PPFIA1: variants seen among roughly 807,000 people sequenced by gnomAD.
The protein encoded by PPFIA1 is PPFI scaffold protein A1, also known as liprin-alpha-1.
A neutral mutation model predicts 149.9 loss-of-function variants in PPFIA1; 25 were observed. That is an observed-to-expected ratio of 0.17 (90% CI 0.12 to 0.23). The LOEUF is 0.23. PPFIA1 is among the 10% of genes least tolerant of loss of function. The probability of loss-of-function intolerance (pLI) is 1.00; values close to 1 mark genes in which losing one functional copy is unlikely to be tolerated. For synonymous variants in PPFIA1, 549 were observed against 552.8 expected (o/e 0.99, Z 0.10); for missense variants, 1,362 against 1,506.5 (o/e 0.90, Z 1.59).
intron 2 of PPFIA1, among the ~76,000 whole-genome samples, chr11:70,291,771 G>A (rs2051539200): frequency 6.6e-6 from 1 of 152,012 alleles, no homozygotes; most frequent in South Asian, 2.1e-4. Flanking sequence ...TCTGGGCTCA[G>A]GTGATCCTCC....
At chr11:70,300,423 A>C (rs568874187) in intron 2 of PPFIA1, among the ~76,000 whole-genome samples, 2 of 152,024 alleles carry the variant, frequency 1.3e-5, no homozygotes, top group African/African-American at 2.4e-5. Flanking sequence ...AGGCTGGAGT[A>C]CAGTGGCCCG....
chr11:70,307,243 T>G (rs1387130531), intron 2 of PPFIA1, among the ~76,000 whole-genome samples: 1 of 152,218 alleles, frequency 6.6e-6, no homozygotes, highest in Non-Finnish European at 1.5e-5. Flanking sequence ...GATGCACAGG[T>G]ATAGAATGAT....
chr11:70,367,135 A>G (rs1336714183), intron 21 of PPFIA1, among the ~76,000 whole-genome samples: 1 of 152,230 alleles, frequency 6.6e-6, no homozygotes, highest in Non-Finnish European at 1.5e-5. Flanking sequence ...TAAATTAAAT[A>G]AGCTTAACCT....
intron 2 of PPFIA1, among the ~76,000 whole-genome samples, chr11:70,297,771 G>C (rs1456256529): frequency 5.9e-5 from 9 of 152,186 alleles, no homozygotes; most frequent in African/African-American, 1.4e-4. Context: ...TAATGTCTGT[G>C]CTCCGAGGTT....
intron 2 of PPFIA1, among the ~76,000 whole-genome samples, chr11:70,300,536 T>C (rs987574148): frequency 3.2e-5 from 3 of 94,082 alleles, no homozygotes; most frequent in African/African-American, 1.0e-4. Flanking sequence ...GCCCACCTAA[T>C]TTTTTTTTTT....
At chr11:70,308,541 T>C (rs147240356) in intron 2 of PPFIA1, among the ~76,000 whole-genome samples, 1 of 152,338 alleles carries the variant, frequency 6.6e-6, no homozygotes, top group East Asian at 1.9e-4. Flanking sequence ...CTTTGAAAAA[T>C]ACTATAAATA....
chr11:70,288,021 G>A lies in PPFIA1; in HGVS notation c.264+15585G>A, dbSNP rs551241834. Among the ~76,000 whole-genome samples the A allele has an allele frequency of 1.7e-4, 25 of 151,296 alleles. No homozygotes were observed. The South Asian group carries it at 5.2e-3, about 32-fold the overall frequency. ...TGTGTATAGGTCCCACTGCGCTGGG[G>A]CTCAACATCTCTCACTTGCTCTCCA... On this transcript the variant is annotated intron_variant, in intron 2 of 27. Coordinates refer to ENST00000253925, the MANE Select transcript of PPFIA1 (RefSeq NM_003626.5).
intron 2 of PPFIA1, among the ~76,000 whole-genome samples, chr11:70,319,109 T>G (rs1209981511): frequency 6.6e-6 from 1 of 152,246 alleles, no homozygotes; most frequent in Non-Finnish European, 1.5e-5. Context: ...AAACATACTC[T>G]TCCCGTAGTC....
intron 2 of PPFIA1, among the ~76,000 whole-genome samples, chr11:70,319,610 A>G (rs571803105): frequency 3.3e-5 from 5 of 152,286 alleles, no homozygotes; most frequent in South Asian, 2.1e-4. Context: ...CCCTTATGCT[A>G]ATGACTGACT....
chr11:70,326,905 C>T, intron 7 of PPFIA1, 87 bp downstream of exon 7: 2 of 1,072,210 alleles, frequency 1.9e-6, no homozygotes, highest in Non-Finnish European at 2.8e-6. Flanking sequence ...CTGTTTGTCT[C>T]TTACTCTCCC....
In PPFIA1 at chr11:70,339,175, C is replaced by G; in HGVS notation, c.1576C>G (p.Pro526Ala). 1 of 1,613,594 alleles carries G rather than the reference C, an allele frequency of 6.2e-7. No individual in the cohort carries two copies. Among genetic ancestry groups the G allele is most frequent in the Middle Eastern group, 1.7e-4 (1 of 6,060 alleles). Reference protein sequence around the residue: ...LRGASLHHGRPHLGSVPDFRF... With the variant: ...LRGASLHHGRAHLGSVPDFRF... ...TTCTTATTTTTCATGTTTCAGCCGA[C>G]CCCACTTGGGCAGTGTCCCAGATTT... is the stretch of plus-strand genomic sequence containing the variant. The change falls in exon 14 of 28, where the codon CCC becomes GCC. Residue 526 changes from proline (P) to alanine (A), a missense_variant. This residue lies in a region of PPFIA1 where 733 missense variants were observed against 744.1 expected (regional missense o/e 0.99). Coordinates refer to ENST00000253925, the MANE Select transcript of PPFIA1 (RefSeq NM_003626.5).
chr11:70,360,886 C>A (rs1217030253), intron 19 of PPFIA1, among the ~76,000 whole-genome samples: 1 of 152,136 alleles, frequency 6.6e-6, no homozygotes, highest in Admixed American at 6.5e-5. Context: ...ACTTGCAAAC[C>A]AAATGTATGT....
At position 70,286,341 on chromosome 11, in the gene PPFIA1, TC is replaced by T. The variant is rs375258845; in HGVS notation, c.264+13908del. On this transcript the variant is annotated intron_variant, in intron 2 of 27. Coordinates refer to ENST00000253925, the MANE Select transcript of PPFIA1 (RefSeq NM_003626.5). The stretch of plus-strand genomic sequence containing the variant: ...ATCTCAGCTCGCTGCAATCTCTGCC[TC>T]CCGGGTTCAAGCGATTCTCCTCCCT... Among the ~76,000 whole-genome samples, 315 of 152,292 alleles carry T rather than the reference TC, an allele frequency of 2.1e-3. 3 individuals carry two copies. The highest frequency in any genetic ancestry group is 7.1e-3 in the African/African-American group (294 of 41,564).
rs1306355712 is a variant in PPFIA1 at position 70,384,122 on chromosome 11, A to C, written c.*1132A>C. The C allele has an allele frequency of 6.6e-6, 1 of 152,238 alleles. No homozygotes were observed. The highest frequency in any genetic ancestry group is 1.5e-5 in the Non-Finnish European group (1 of 68,038). The allele number at this position is 152,238 out of a possible 1,614,324, so 9.4% of individuals were successfully genotyped here. On this transcript the variant is annotated 3_prime_UTR_variant, in exon 28 of 28. Transcript: ENST00000253925. ...GTTGCAGATGTGGCTTTTACTTTTT[A>C]AATGGCATATTAACAAGCCAGCAAA...
intron 19 of PPFIA1, among the ~76,000 whole-genome samples, chr11:70,356,990 G>T (rs991095480): frequency 6.6e-6 from 1 of 152,170 alleles, no homozygotes; most frequent in Non-Finnish European, 1.5e-5. Flanking sequence ...GGAGGAATCG[G>T]GTTTCTGTCC....
chr11:70,371,547 C>G, intron 21 of PPFIA1: 1 of 120,696 alleles, frequency 8.3e-6, no homozygotes, highest in African/African-American at 2.8e-5. Context: ...GTTCTATATT[C>G]TGTTGTTGGG....
chr11:70,274,939 T>A (rs914200191), intron 2 of PPFIA1, among the ~76,000 whole-genome samples: 3 of 152,112 alleles, frequency 2.0e-5, no homozygotes, highest in Non-Finnish European at 4.4e-5. Flanking sequence ...GGCCGGAGGA[T>A]ATGTGTACAC....
intron 2 of PPFIA1, among the ~76,000 whole-genome samples, chr11:70,288,376 C>T (rs565271831): frequency 1.3e-5 from 2 of 152,232 alleles, no homozygotes; most frequent in African/African-American, 4.8e-5. Context: ...GGCCTCCCCT[C>T]TGCTTTTTGT....
chr11:70,313,557 C>A (rs928614647), intron 2 of PPFIA1, among the ~76,000 whole-genome samples: 4 of 151,994 alleles, frequency 2.6e-5, no homozygotes, highest in African/African-American at 9.7e-5. Context: ...GTGGGCAGTT[C>A]TAGAAGATAT....
Sources: gnomAD v4.1 joint callset for allele counts (sites outside exome capture counted in the v4.1 genomes callset) on GRCh38, gnomAD v4.1.1 for gene constraint, gnomAD v4.1.1 regional missense constraint, MANE v1.5 for transcripts, NCBI Gene and HGNC (gene_info 2026-07-23, HGNC 2026-07-21) for gene names.